SPOCD1: variants seen among roughly 807,000 people sequenced by gnomAD.
SPOCD1 encodes SPOC domain-containing protein 1.
Under a neutral mutation model 92.2 loss-of-function variants are expected in SPOCD1, and 64 were observed. The observed-to-expected ratio is 0.69, with a 90% confidence interval of 0.57 to 0.86. SPOCD1 has a LOEUF of 0.86. Among genes scored for constraint, SPOCD1 ranks in the 40% least tolerant of loss-of-function variants. SPOCD1 has a pLI of 0.00. For synonymous variants in SPOCD1, 578 were observed against 619.3 expected (o/e 0.93, Z 0.99); for missense variants, 1,360 against 1,543.1 (o/e 0.88, Z 1.99).
At chr1:31,795,697 A>T (rs973362618) in intron 10 of SPOCD1, 2 of 152,174 alleles carry the variant, frequency 1.3e-5, no homozygotes. Context: ...TAGTGGTAGG[A>T]GTGGGGAGCA....
Position 31,814,623 on chromosome 1 carries a change from G to C in SPOCD1, c.711C>G (p.Leu237=). 10 of 1,533,588 alleles carry C rather than the reference G, an allele frequency of 6.5e-6. No individual in the cohort carries two copies. Among genetic ancestry groups the C allele is most frequent in the Non-Finnish European group, 8.8e-6 (10 of 1,141,132 alleles). The allele number at this position is 1,533,588 out of a possible 1,614,324, so 95.0% of individuals were successfully genotyped here. ...WLDQSPRGDN[L]LSVGDPPQVA... ...CTTGGGGAGGGTCTCCCACAGACAG[G>C]AGGTTGTCCCCACGAGGGCTCTGAT... Residue 237 remains leucine (L), a synonymous_variant, in exon 2 of 16, where the codon CTC becomes CTG. Coordinates refer to ENST00000360482, the MANE Select transcript of SPOCD1 (RefSeq NM_144569.7). This position sits in a 1 kb window ranked among gnomAD's most constrained non-coding sequence, Gnocchi z 4.2.
chr1:31,800,303 G>A (rs1470209208), intron 4 of SPOCD1, 138 bp downstream of exon 4: 4 of 1,438,758 alleles, frequency 2.8e-6, no homozygotes, highest in Non-Finnish European at 2.8e-6. Flanking sequence ...ATGCAGGCTG[G>A]GGCCGAACCC....
At position 31,804,985 on chromosome 1, in the gene SPOCD1, C is replaced by CTTTTTTTTTTTTTTTTTTTTTTTTTTTTT. The variant is rs1207433481; in HGVS notation, c.1384-3281_1384-3280insAAAAAAAAAAAAAAAAAAAAAAAAAAAAA. Among the ~76,000 whole-genome samples the CTTTTTTTTTTTTTTTTTTTTTTTTTTTTT allele has an allele frequency of 7.0e-4, 74 of 105,882 alleles. 1 individual carries two copies. Among genetic ancestry groups the CTTTTTTTTTTTTTTTTTTTTTTTTTTTTT allele is most frequent in the East Asian group, 1.2e-3 (4 of 3,364 alleles). 69.5% of individuals were successfully genotyped at this position (105,882 alleles called of 152,430 possible). On this transcript the variant is annotated intron_variant, in intron 2 of 15. Transcript: ENST00000360482. ...AAATTTCTTTTTTCTTTCTTTCTTT[C>CTTTTTTTTTTTTTTTTTTTTTTTTTTTTT]TTTTTTTTTTTTTTGAGATGGAGTC...
intron 10 of SPOCD1, chr1:31,796,255 C>T (rs1039174340): frequency 7.4e-6 from 3 of 406,054 alleles, no homozygotes; most frequent in Admixed American, 3.6e-5. Flanking sequence ...CTGCCTGGAA[C>T]AGCGCAGCCT....
At chr1:31,793,697 TCCCCCTC>T in intron 12 of SPOCD1, 43 bp downstream of exon 12, 1 of 1,611,256 alleles carries the variant, frequency 6.2e-7, no homozygotes. Flanking sequence ...GGTGGTGGCC[TCCCCCTC>T]AACCCTGCTG....
intron 2 of SPOCD1, among the ~76,000 whole-genome samples, chr1:31,812,308 A>G (rs908353397): frequency 1.3e-5 from 2 of 152,138 alleles, no homozygotes; most frequent in African/African-American, 4.8e-5. Flanking sequence ...ACTACACTAC[A>G]GTGGTTGGAA....
chr1:31,797,598 C>T (rs1015070490), intron 9 of SPOCD1, among the ~76,000 whole-genome samples: 2 of 152,244 alleles, frequency 1.3e-5, no homozygotes, highest in Non-Finnish European at 2.9e-5. Flanking sequence ...TCTTCCAGAG[C>T]AGGGGCTGGA....
intron 7 of SPOCD1, 62 bp downstream of exon 7, chr1:31,799,339 G>A (rs544407149): frequency 8.9e-5 from 126 of 1,422,840 alleles, no homozygotes; most frequent in Middle Eastern, 5.5e-4. Flanking sequence ...GCAGGGCCCC[G>A]GAGGCGGGGG....
In SPOCD1 at chr1:31,800,035, G is replaced by A. The variant is rs777128647; in HGVS notation, c.1709C>T (p.Ser570Leu). The A allele has an allele frequency of 1.6e-5, 26 of 1,611,530 alleles. No individual in the cohort carries two copies. The Admixed American group carries it at 2.4e-4, about 15-fold the overall frequency. The stretch of plus-strand genomic sequence containing the variant: ...ACTTGCCTGGGAACATGCAGGGTCC[G>A]AGCTGGGGTCGCCAAGGGCCAGGGA... ...SGSLALGDPS[S>L]DPACSQSGPM... The change falls in exon 5 of 16, where the codon TCG becomes TTG. Residue 570 changes from serine (S) to leucine (L), a missense_variant. By Grantham distance (145) the Ser-to-Leu change is moderately radical (BLOSUM62 -2). Around this residue, in one of 3 missense-constraint regions of SPOCD1, gnomAD observed 606 missense variants for 601.5 expected, o/e 1.01. Transcript: ENST00000360482.
Position 31,798,101 on chromosome 1 carries a change from A to C in SPOCD1, c.2145+106T>G. 1.2e-6 allele frequency: 1 copy of C among 835,636 alleles called. No homozygotes were observed. Among genetic ancestry groups the C allele is most frequent in the Non-Finnish European group, 2.0e-6 (1 of 492,510 alleles). 51.8% of individuals were successfully genotyped at this position (835,636 alleles called of 1,614,324 possible). A position where few individuals can be genotyped will look rare whatever the true frequency, so the allele number is the denominator to read the frequency against. On this transcript the variant is annotated intron_variant, in intron 9 of 15. Coordinates refer to ENST00000360482, the MANE Select transcript of SPOCD1 (RefSeq NM_144569.7). This position sits in a 1 kb window ranked among gnomAD's most constrained non-coding sequence, Gnocchi z 4.1. Reference sequence around the variant, plus strand: ...TGTTTCCTTGTTTCTGTCTTTCTGAATTCCTCCTCCCTCCCTCCCTGTCTC... The same window carrying C: ...TGTTTCCTTGTTTCTGTCTTTCTGACTTCCTCCTCCCTCCCTCCCTGTCTC...
intron 2 of SPOCD1, among the ~76,000 whole-genome samples, chr1:31,803,287 G>A (rs1347955528): frequency 6.6e-6 from 1 of 152,046 alleles, no homozygotes; most frequent in Admixed American, 6.6e-5. Context: ...ATTTGATCGG[G>A]AACCAAACAC....
At chr1:31,815,449 G>C in intron 1 of SPOCD1, 77 bp from the exon 2 acceptor site, 1 of 1,088,362 alleles carries the variant, frequency 9.2e-7, no homozygotes, top group East Asian at 2.7e-5. Context: ...ACTGGGAGGA[G>C]CCCCTCTTCC....
At position 31,798,492 on chromosome 1, in the gene SPOCD1, T is replaced by C; in HGVS notation, c.1978A>G (p.Lys660Glu). 1 of 1,614,012 alleles carries C rather than the reference T, an allele frequency of 6.2e-7. No individual in the cohort carries two copies. The highest frequency in any genetic ancestry group is 1.1e-5 in the South Asian group (1 of 91,090). The change falls in exon 8 of 16, where the codon AAG becomes GAG. Residue 660 changes from lysine to glutamate, a missense_variant. Lys to Glu is a moderately conservative substitution (Grantham distance 56). Transcript: ENST00000360482. The surrounding 1 kb of genome is among the most constrained non-coding windows in gnomAD (Gnocchi z 4.1). The stretch of plus-strand genomic sequence containing the variant: ...AACAGCAGGCTGCGATACTTGGTCT[T>C]GTACCGGCCATTGGTGCCTTGTGTC... ...DLTQGTNGRYKTKYRSLLFNL... is the reference protein window; with the variant it reads ...DLTQGTNGRYETKYRSLLFNL...
chr1:31,799,743 G>A (rs1648302196), intron 6 of SPOCD1, 66 bp downstream of exon 6: 2 of 1,579,628 alleles, frequency 1.3e-6, no homozygotes, highest in African/African-American at 1.3e-5. Flanking sequence ...CAGGAGCTGG[G>A]CCTGAGTCCT....
Position 31,814,853 on chromosome 1 carries a change from A to T in SPOCD1, c.481T>A (p.Cys161Ser), listed in dbSNP as rs200547298. Residue 161 changes from cysteine to serine, a missense_variant, in exon 2 of 16, where the codon TGC becomes AGC. Physicochemically the swap from Cys to Ser is moderately radical, Grantham distance 112 (BLOSUM62 -1). This residue lies in a region of SPOCD1 where 606 missense variants were observed against 601.5 expected (regional missense o/e 1.01). Coordinates refer to ENST00000360482, the MANE Select transcript of SPOCD1 (RefSeq NM_144569.7). The surrounding 1 kb of genome is among the most constrained non-coding windows in gnomAD (Gnocchi z 4.2). ...TCTCTGGCCTCCCTGGGCCTGAGGC[A>T]GCTCACCTCCTCCACTCCTGCAAGC... The part of the protein sequence containing the change: ...ERLAGVEEVS[C>S]LRPREARDGG... 1.2e-5 allele frequency: 19 copies of T among 1,613,110 alleles called. No homozygotes were observed. The African/African-American group carries it at 2.3e-4, about 19-fold the overall frequency.
At position 31,814,905 on chromosome 1, in the gene SPOCD1, T is replaced by C. The variant is rs755887013; in HGVS notation, c.429A>G (p.Pro143=). 3.1e-6 allele frequency: 5 copies of C among 1,613,778 alleles called. No homozygotes were observed. In the East Asian group the frequency reaches 1.1e-4, roughly 36 times the overall value. The change falls in exon 2 of 16, where the codon CCA becomes CCG. Residue 143 remains proline, a synonymous_variant. Transcript: ENST00000360482. This position sits in a 1 kb window ranked among gnomAD's most constrained non-coding sequence, Gnocchi z 4.2. ...TCTCCCTGCAGGCCAGAGCTCTCTC[T>C]GGGAGGCCAGCAGACCTGCTACAAA... The part of the protein sequence containing the change: ...RKLCSRSAGL[P]ERALACRERL...
At position 31,800,533 on chromosome 1, in the gene SPOCD1, G is replaced by C. The variant is rs778308608; in HGVS notation, c.1510C>G (p.Leu504Val). ...GAGCTGACCTCCATCAAGTCCTCTA[G>C]AACCTCCAGCTTTGGTGGCAGCTGC... Reference protein sequence around the residue: ...GGQLPPKLEVLEDLMEVSSPS... With the variant: ...GGQLPPKLEVVEDLMEVSSPS... The change falls in exon 4 of 16, where the codon CTA (leucine) becomes GTA (valine). Residue 504 changes from leucine (L) to valine (V), a missense_variant. Coordinates refer to ENST00000360482, the MANE Select transcript of SPOCD1 (RefSeq NM_144569.7). The C allele has an allele frequency of 6.2e-7, 1 of 1,612,502 alleles. No homozygotes were observed. Among genetic ancestry groups the C allele is most frequent in the South Asian group, 1.1e-5 (1 of 90,642 alleles).
intron 2 of SPOCD1, among the ~76,000 whole-genome samples, chr1:31,806,547 C>CTTT (rs895099152): frequency 1.4e-5 from 2 of 143,624 alleles, no homozygotes; most frequent in Non-Finnish European, 1.5e-5. Context: ...GATATGAAAA[C>CTTT]TTTTTTTTTT....
rs769953168 is a variant in SPOCD1, at chr1:31,799,504, A to G, written c.1784-19T>C. On this transcript the variant is annotated intron_variant, in intron 6 of 15. Transcript: ENST00000360482. Reference sequence around the variant, plus strand: ...AGCTGAGCTGTAGGGAGAGAGCGTCACAGGCTCCCAGGGGTGCCCAGGGGA... The same window carrying G: ...AGCTGAGCTGTAGGGAGAGAGCGTCGCAGGCTCCCAGGGGTGCCCAGGGGA... 1.9e-6 allele frequency: 3 copies of G among 1,601,980 alleles called. No individual in the cohort carries two copies. The highest frequency in any genetic ancestry group is 2.6e-6 in the Non-Finnish European group (3 of 1,173,526).
Sources: gnomAD v4.1 joint callset for allele counts (sites outside exome capture counted in the v4.1 genomes callset) on GRCh38, gnomAD v4.1.1 for gene constraint, gnomAD v4.1.1 regional missense constraint, Gnocchi (gnomAD v3.1) non-coding constraint, MANE v1.5 for transcripts, NCBI Gene and HGNC (gene_info 2026-07-23, HGNC 2026-07-21) for gene names.